FTO: variants seen among roughly 807,000 people sequenced by gnomAD.
FTO encodes FTO alpha-ketoglutarate dependent dioxygenase, also known as alpha-ketoglutarate-dependent dioxygenase FTO.
A neutral mutation model predicts 63.9 loss-of-function variants in FTO; 47 were observed. That is an observed-to-expected ratio of 0.74 (90% CI 0.58 to 0.94). The LOEUF is 0.94. FTO is among the 40% of genes least tolerant of loss of function. The pLI is 0.00. For missense variants in FTO, 562 were observed against 618.1 expected, an observed-to-expected ratio of 0.91 and a Z score of 0.96; for synonymous variants, 207 against 224.4, an observed-to-expected ratio of 0.92 and a Z score of 0.69.
intron 4 of FTO, among the ~76,000 whole-genome samples, chr16:53,849,904 T>A (rs931634164): frequency 6.6e-6 from 1 of 152,184 alleles, no homozygotes; most frequent in Non-Finnish European, 1.5e-5. Flanking sequence ...TTGCCCTGAT[T>A]TAGACATTTT....
chr16:53,828,433 T>A (rs945648776), intron 3 of FTO, among the ~76,000 whole-genome samples: 2 of 151,998 alleles, frequency 1.3e-5, no homozygotes, highest in East Asian at 3.9e-4. Flanking sequence ...GGTCTCAATC[T>A]TCTGATCTCA....
Position 53,902,017 on chromosome 16 carries a change from C to T in FTO, c.1239+13066C>T, listed in dbSNP as rs77302327. On this transcript the variant is annotated intron_variant, in intron 7 of 8. Transcript: ENST00000471389. ...TTTTACCAAAGAAACTGAAGAAAGTCACACCAGAGGGTCATTGCTCCCCTA... is the reference window on the plus strand; with the variant it reads ...TTTTACCAAAGAAACTGAAGAAAGTTACACCAGAGGGTCATTGCTCCCCTA... Among the ~76,000 whole-genome samples, 1,026 of 152,212 alleles carry T rather than the reference C, an allele frequency of 6.7e-3. 11 individuals are homozygous for T. Among genetic ancestry groups the T allele is most frequent in the African/African-American group, 0.024 (987 of 41,532 alleles).
At chr16:54,089,795 T>C (rs1386762518) in intron 8 of FTO, among the ~76,000 whole-genome samples, 2 of 151,718 alleles carry the variant, frequency 1.3e-5, no homozygotes, top group African/African-American at 4.8e-5. Context: ...TTAACATCAT[T>C]AGTCAATAGA....
At chr16:53,768,186 T>C (rs2077254821) in intron 1 of FTO, among the ~76,000 whole-genome samples, 1 of 152,240 alleles carries the variant, frequency 6.6e-6, no homozygotes, top group Non-Finnish European at 1.5e-5. Context: ...GCTTGTTTTA[T>C]GTCTTTTCTA....
chr16:53,973,011 T>C (rs2083363227), intron 8 of FTO, among the ~76,000 whole-genome samples: 1 of 152,190 alleles, frequency 6.6e-6, no homozygotes, highest in Non-Finnish European at 1.5e-5. Context: ...TTAACCAAGA[T>C]GGTTAACGGA....
At chr16:53,995,736 G>A (rs1228280299) in intron 8 of FTO, among the ~76,000 whole-genome samples, 1 of 152,150 alleles carries the variant, frequency 6.6e-6, no homozygotes, top group Non-Finnish European at 1.5e-5. Context: ...TATTTAACTG[G>A]TGCATAGAGG....
chr16:54,100,953 C>G (rs987372818), intron 8 of FTO, among the ~76,000 whole-genome samples: 1 of 152,056 alleles, frequency 6.6e-6, no homozygotes, highest in South Asian at 2.1e-4. Context: ...CGTGGAGATG[C>G]CTTTGAGCTA....
chr16:53,827,109 C>T (rs117762862), intron 3 of FTO, among the ~76,000 whole-genome samples: 1,732 of 152,222 alleles, frequency 0.011, 13 homozygotes, highest in Non-Finnish European at 0.019. Flanking sequence ...AGCTCTTTAC[C>T]CAATTCTGCA....
At position 54,009,518 on chromosome 16, in the gene FTO, A is replaced by C. The variant is rs1031088989; in HGVS notation, c.1364+75409A>C. On this transcript the variant is annotated intron_variant, in intron 8 of 8. Coordinates refer to ENST00000471389, the MANE Select transcript of FTO (RefSeq NM_001080432.3). ...AAACGGATCAAGAAAAGGGAGTGAG[A>C]ATTTACTGGAAAGAAGGACAAATGA... 1.9e-4 allele frequency among the ~76,000 whole-genome samples: 29 copies of C among 152,120 alleles called. 1 individual carries two copies. Among genetic ancestry groups the C allele is most frequent in the Admixed American group, 9.8e-4 (15 of 15,280 alleles).
chr16:53,797,205 C>T (rs1013992853), intron 1 of FTO, among the ~76,000 whole-genome samples: 1 of 152,206 alleles, frequency 6.6e-6, no homozygotes, highest in African/African-American at 2.4e-5. Flanking sequence ...CCACTATTAT[C>T]AATATCTGCC....
intron 2 of FTO, among the ~76,000 whole-genome samples, chr16:53,815,636 G>GTTTTTCTTGTT (rs1456280699): frequency 2.0e-5 from 2 of 98,156 alleles, no homozygotes; most frequent in African/African-American, 5.4e-5. Context: ...TGACTTTCTT[G>GTTTTTCTTGTT]TTTTTTTTTT....
intron 1 of FTO, among the ~76,000 whole-genome samples, chr16:53,808,747 C>A (rs543481828): frequency 6.6e-6 from 1 of 152,244 alleles, no homozygotes; most frequent in East Asian, 1.9e-4. Context: ...TTTGTGTTTA[C>A]CAAGCTATAT....
At chr16:53,781,890 T>A (rs1477735087) in intron 1 of FTO, among the ~76,000 whole-genome samples, 2 of 152,212 alleles carry the variant, frequency 1.3e-5, no homozygotes, top group Non-Finnish European at 2.9e-5. Flanking sequence ...AGATTTCTGC[T>A]GTGCTACTTC....
chr16:53,807,154 G>A (rs1283331403), intron 1 of FTO, among the ~76,000 whole-genome samples: 2 of 152,024 alleles, frequency 1.3e-5, no homozygotes, highest in Non-Finnish European at 2.9e-5. Context: ...CAGTTACTTC[G>A]TAAAATTGCA....
chr16:53,801,542 C>G (rs2078224353), intron 1 of FTO, among the ~76,000 whole-genome samples: 1 of 151,984 alleles, frequency 6.6e-6, no homozygotes, highest in East Asian at 1.9e-4. Context: ...CTTAAGTATT[C>G]AGATTTTTAT....
chr16:53,924,343 C>T lies in FTO; in HGVS notation c.1240-9642C>T, dbSNP rs1175167204. Reference sequence around the variant, plus strand: ...CATAGACATTCTTGATTACTCTCAGCTAGCCCCCTTAGCTCAATAGTACAT... The same window carrying T: ...CATAGACATTCTTGATTACTCTCAGTTAGCCCCCTTAGCTCAATAGTACAT... On this transcript the variant is annotated intron_variant, in intron 7 of 8. Coordinates refer to ENST00000471389, the MANE Select transcript of FTO (RefSeq NM_001080432.3). Among the ~76,000 whole-genome samples the T allele has an allele frequency of 4.6e-5, 7 of 152,324 alleles. No individual in the cohort carries two copies. The East Asian group carries it at 1.4e-3, about 29-fold the overall frequency.
intron 8 of FTO, among the ~76,000 whole-genome samples, chr16:53,976,208 T>TA (rs1163933946): frequency 1.6e-4 from 24 of 152,158 alleles, no homozygotes; most frequent in African/African-American, 5.8e-4. Context: ...TTAAAAACTA[T>TA]GTTTTTAAAG....
intron 4 of FTO, among the ~76,000 whole-genome samples, chr16:53,857,556 T>G (rs1361420271): frequency 6.6e-6 from 1 of 151,774 alleles, no homozygotes; most frequent in African/African-American, 2.4e-5. Flanking sequence ...GGTGCTAGAG[T>G]AGGCTTGGAG....
At position 54,094,294 on chromosome 16, in the gene FTO, T is replaced by G. The variant is rs533301995; in HGVS notation, c.1365-17468T>G. ...TACTGCAAGCCTAAGGCGGTCTCTTTGGCAACTCATCCTTCTTTTCCGAGG... is the reference window on the plus strand; with the variant it reads ...TACTGCAAGCCTAAGGCGGTCTCTTGGGCAACTCATCCTTCTTTTCCGAGG... On this transcript the variant is annotated intron_variant, in intron 8 of 8. Transcript: ENST00000471389. Among the ~76,000 whole-genome samples, 10 of 152,328 alleles carry G rather than the reference T, an allele frequency of 6.6e-5. No homozygotes were observed. The East Asian group carries it at 1.9e-3, about 29-fold the overall frequency.
Sources: allele counts gnomAD v4.1 joint callset (sites outside exome capture counted in the v4.1 genomes callset), GRCh38; gene constraint gnomAD v4.1.1; transcripts MANE v1.5; gene names NCBI Gene and HGNC (gene_info 2026-07-23, HGNC 2026-07-21).